The following NKIRAS1 variants were observed in gnomAD, a reference collection of about 807,000 sequenced individuals.
NKIRAS1 encodes the protein NFKB inhibitor interacting Ras like 1, also known as NF-kappa-B inhibitor-interacting Ras-like protein 1.
Under a neutral mutation model 19.8 loss-of-function variants are expected in NKIRAS1, and 16 were observed. The ratio of observed to expected loss-of-function variants is 0.81; its 90% CI spans 0.55 to 1.23. NKIRAS1 has a LOEUF of 1.23. Ranked by LOEUF, NKIRAS1 falls within the 50% of genes most tolerant of loss-of-function variation. NKIRAS1 has a pLI of 0.00. For synonymous variants in NKIRAS1, 88 were observed against 79.0 expected (o/e 1.11, Z -0.61); for missense variants, 184 against 220.0 (o/e 0.84, Z 1.04).
At chr3:23,893,528 C>T (rs373212694) in intron 4 of NKIRAS1, among the ~76,000 whole-genome samples, 191 bp from the exon 5 acceptor site, 19 of 152,130 alleles carry the variant, frequency 1.2e-4, no homozygotes, top group South Asian at 2.1e-4. Context: ...GATGCTCGGC[C>T]GGGCGTGCTG....
At position 23,910,939 on chromosome 3, in the gene NKIRAS1, G is replaced by A; in HGVS notation, c.-17-18C>T. ...GGATATCACTGTGGAGAGAATAACAGGTCTTTTAAATTGTATACTGTTGAA... is the reference window on the plus strand; with the variant it reads ...GGATATCACTGTGGAGAGAATAACAAGTCTTTTAAATTGTATACTGTTGAA... On this transcript the variant is annotated intron_variant, in intron 2 of 4. Coordinates refer to ENST00000425478, the MANE Select transcript of NKIRAS1 (RefSeq NM_020345.4). 1 of 1,556,630 alleles carries A rather than the reference G, an allele frequency of 6.4e-7. No homozygotes were observed. The highest frequency in any genetic ancestry group is 8.9e-7 in the Non-Finnish European group (1 of 1,128,518).
At chr3:23,923,149 T>C (rs1705142942) in intron 1 of NKIRAS1, 1 of 152,070 alleles carries the variant, frequency 6.6e-6, no homozygotes, top group Non-Finnish European at 1.5e-5. Flanking sequence ...TAGGATATGA[T>C]ACACATTGTT....
chr3:23,925,014 G>A (rs1008890678), intron 1 of NKIRAS1, among the ~76,000 whole-genome samples: 1 of 152,152 alleles, frequency 6.6e-6, no homozygotes, highest in African/African-American at 2.4e-5. Flanking sequence ...CATGGCAGAG[G>A]GCAAAGAGCA....
chr3:23,924,042 T>C (rs1440152955), intron 1 of NKIRAS1: 1 of 152,146 alleles, frequency 6.6e-6, no homozygotes, highest in Non-Finnish European at 1.5e-5. Flanking sequence ...AAAACAACAG[T>C]TGGTATGCCT....
Position 23,891,238 on chromosome 3 carries a change from T to G in NKIRAS1, c.*1857A>C, listed in dbSNP as rs1316409082. 2.0e-5 allele frequency: 3 copies of G among 152,258 alleles called. No homozygotes were observed. Among genetic ancestry groups the G allele is most frequent in the Non-Finnish European group, 4.4e-5 (3 of 68,056 alleles). 9.4% of individuals were successfully genotyped at this position (152,258 alleles called of 1,614,324 possible). The stretch of plus-strand genomic sequence containing the variant: ...CGTGGAATAGGAGTTGCTCAGTGGA[T>G]TGGTTCTATGTTGTGGACTACTTAA... On this transcript the variant is annotated 3_prime_UTR_variant, in exon 5 of 5. Transcript: ENST00000425478.
At chr3:23,946,054 G>A in intron 1 of NKIRAS1, 1 of 973,740 alleles carries the variant, frequency 1.0e-6, no homozygotes, top group Non-Finnish European at 1.2e-6. Flanking sequence ...CGCTGGCTGG[G>A]AGCGCCGCAG....
rs777544844 is a variant in NKIRAS1, at chr3:23,890,481, C to T, written c.*2614G>A. 1.3e-6 allele frequency: 2 copies of T among 1,598,442 alleles called. No homozygotes were observed. The highest frequency in any genetic ancestry group is 2.3e-5 in the South Asian group (2 of 88,746). On this transcript the variant is annotated 3_prime_UTR_variant, in exon 5 of 5. Coordinates refer to ENST00000425478, the MANE Select transcript of NKIRAS1 (RefSeq NM_020345.4). ...GTTTAAAATGTTCTTTTCCTTTCTC[C>T]AAAGTAATCTACATTCTTTTCTTCC... is the stretch of plus-strand genomic sequence containing the variant.
intron 1 of NKIRAS1, among the ~76,000 whole-genome samples, chr3:23,944,277 T>C (rs1705568318): frequency 1.3e-5 from 2 of 152,180 alleles, no homozygotes; most frequent in African/African-American, 2.4e-5. Context: ...AAATAGGGTG[T>C]TGCACATGTA....
chr3:23,917,060 C>G (rs1704622232), upstream of NKIRAS1: 1 of 152,610 alleles, frequency 6.6e-6, no homozygotes, highest in African/African-American at 2.4e-5. Context: ...TGTCCCATGA[C>G]GCTCTGGGAG....
At chr3:23,917,841 A>G, upstream of NKIRAS1, 3 of 1,606,488 alleles carry the variant, frequency 1.9e-6, no homozygotes, top group Non-Finnish European at 2.5e-6. Context: ...ACACAGTTTG[A>G]TTTCACAGGT....
At chr3:23,914,313 CTATTTTTA>C (rs1704078075) in intron 1 of NKIRAS1, among the ~76,000 whole-genome samples, 4 of 152,132 alleles carry the variant, frequency 2.6e-5, no homozygotes, top group Admixed American at 2.6e-4. Flanking sequence ...GTGGGCCATT[CTATTTTTA>C]TAAGTAAAAC....
At position 23,891,035 on chromosome 3, in the gene NKIRAS1, A is replaced by C. The variant is rs1243150488; in HGVS notation, c.*2060T>G. On this transcript the variant is annotated 3_prime_UTR_variant, in exon 5 of 5. Coordinates refer to ENST00000425478, the MANE Select transcript of NKIRAS1 (RefSeq NM_020345.4). Reference sequence around the variant, plus strand: ...GGAAGGGAACATTGATATTTAACAGAGTTTTTAGAGATTGTCATCTCATAT... The same window carrying C: ...GGAAGGGAACATTGATATTTAACAGCGTTTTTAGAGATTGTCATCTCATAT... 6.5e-6 allele frequency: 1 copy of C among 153,342 alleles called. No homozygotes were observed. The highest frequency in any genetic ancestry group is 1.5e-5 in the Non-Finnish European group (1 of 68,608). The allele number at this position is 153,342 out of a possible 1,614,324, so 9.5% of individuals were successfully genotyped here.
At chr3:23,913,016 G>A (rs1443019942) in intron 1 of NKIRAS1, among the ~76,000 whole-genome samples, 1 of 145,610 alleles carries the variant, frequency 6.9e-6, no homozygotes, top group Non-Finnish European at 1.5e-5. Context: ...ACTCCAGCCT[G>A]GGTGACAGAG....
Position 23,945,228 on chromosome 3 carries a change from AGGGCGGGCGG to A in NKIRAS1, c.-140+1085_-140+1094del, listed in dbSNP as rs1705610746. 10 of 109,874 alleles carry A rather than the reference AGGGCGGGCGG, an allele frequency of 9.1e-5. No individual in the cohort carries two copies. The Admixed American group carries it at 9.2e-4, about 10-fold the overall frequency. 6.8% of individuals were successfully genotyped at this position (109,874 alleles called of 1,614,324 possible). ...CGGAGGTCGCCGCAGCGGCCGGCCG[AGGGCGGGCGG>A]AGGGAGGGGGTGTGTGCGCGGGTCA... On this transcript the variant is annotated intron_variant, in intron 1 of 4. Coordinates refer to the NKIRAS1 transcript ENST00000421515.
At chr3:23,918,138 C>T, upstream of NKIRAS1, 1 of 1,384,696 alleles carries the variant, frequency 7.2e-7, no homozygotes. Flanking sequence ...TCGCATAGGG[C>T]TTTGGCAGAA....
At chr3:23,894,983 A>G (rs1701839194) in intron 4 of NKIRAS1, among the ~76,000 whole-genome samples, 1 of 152,048 alleles carries the variant, frequency 6.6e-6, no homozygotes, top group South Asian at 2.1e-4. Flanking sequence ...GACTTCTCCA[A>G]TGGTCTCATC....
intron 1 of NKIRAS1, among the ~76,000 whole-genome samples, chr3:23,940,167 C>CAAAAA (rs1559517464): frequency 4.2e-4 from 12 of 28,858 alleles, no homozygotes; most frequent in Non-Finnish European, 6.0e-4. Context: ...CCCATCTCTA[C>CAAAAA]CAAAAAAAAA....
chr3:23,945,095 G>C (rs1030515678), intron 1 of NKIRAS1, among the ~76,000 whole-genome samples: 1 of 151,478 alleles, frequency 6.6e-6, no homozygotes, highest in African/African-American at 2.4e-5. Flanking sequence ...GAAAAACGAA[G>C]GAAGAGGAGG....
At chr3:23,910,956 ACT>A (rs768701293) in intron 2 of NKIRAS1, 35 bp from the exon 3 acceptor site, 1 of 1,445,360 alleles carries the variant, frequency 6.9e-7, no homozygotes, top group African/African-American at 1.4e-5. Context: ...TAAATTGTAT[ACT>A]GTTGAAATTA....
Sources: allele counts gnomAD v4.1 joint callset (sites outside exome capture counted in the v4.1 genomes callset), GRCh38; gene constraint gnomAD v4.1.1; transcripts MANE v1.5; gene names NCBI Gene and HGNC (gene_info 2026-07-23, HGNC 2026-07-21).